Variants in RAB27B observed in about 807,000 individuals in gnomAD.
The protein encoded by RAB27B is ras-related protein Rab-27B.
A neutral mutation model predicts 24.6 loss-of-function variants in RAB27B; 15 were observed. That is an observed-to-expected ratio of 0.61 (90% CI 0.41 to 0.94). The LOEUF (loss-of-function observed/expected upper bound fraction) is 0.94, where lower values mean the gene tolerates loss of function less well. Among genes scored for constraint, RAB27B ranks in the 40% least tolerant of loss-of-function variants. The pLI is 0.00. For synonymous variants in RAB27B, 105 were observed against 92.5 expected, an observed-to-expected ratio of 1.14 and a Z score of -0.78; for missense variants, 261 against 266.8, an observed-to-expected ratio of 0.98 and a Z score of 0.15.
In RAB27B at chr18:54,845,836, A is replaced by G. The variant is rs150495386; in HGVS notation, c.-20+17136A>G. Among the ~76,000 whole-genome samples the G allele has an allele frequency of 4.5e-3, 681 of 152,288 alleles. 5 individuals are homozygous for G. The highest frequency in any genetic ancestry group is 0.016 in the African/African-American group (651 of 41,556). On this transcript the variant is annotated intron_variant, in intron 1 of 5. Transcript: ENST00000262094. ...AATCCTTTTGATTCACTAATCATGT[A>G]TTTGCAAATCTGCCTGCTTAATAAC...
chr18:54,787,175 G>T (rs145332405), intron 2 of RAB27B, among the ~76,000 whole-genome samples: 1 of 152,194 alleles, frequency 6.6e-6, no homozygotes, highest in Non-Finnish European at 1.5e-5. Context: ...TGGCTCCATG[G>T]ACAGGCAGTT....
intron 2 of RAB27B, among the ~76,000 whole-genome samples, chr18:54,757,467 C>T (rs1295904725): frequency 1.3e-5 from 2 of 152,080 alleles, no homozygotes; most frequent in Non-Finnish European, 2.9e-5. Flanking sequence ...ATTTGAGAAA[C>T]AACAATTGCA....
At chr18:54,723,919 T>G (rs868022305) in intron 2 of RAB27B, among the ~76,000 whole-genome samples, 7 of 152,200 alleles carry the variant, frequency 4.6e-5, no homozygotes, top group African/African-American at 1.7e-4. Context: ...TCATGAAATA[T>G]AAATATATTT....
intron 1 of RAB27B, among the ~76,000 whole-genome samples, chr18:54,845,594 T>C (rs1475067935): frequency 6.6e-6 from 1 of 152,082 alleles, no homozygotes; most frequent in Admixed American, 6.6e-5. Context: ...CCCAGGGCCC[T>C]GAGTCGCTGG....
intron 2 of RAB27B, among the ~76,000 whole-genome samples, chr18:54,793,979 CA>C (rs1360757739): frequency 6.6e-6 from 1 of 152,202 alleles, no homozygotes; most frequent in Non-Finnish European, 1.5e-5. Context: ...TAAAAATGCA[CA>C]ATCATCTGGA....
chr18:54,731,086 A>G (rs2144991404), intron 2 of RAB27B, among the ~76,000 whole-genome samples: 1 of 152,338 alleles, frequency 6.6e-6, no homozygotes, highest in East Asian at 1.9e-4. Context: ...GGTATAATAC[A>G]CAAATGTCTA....
At chr18:54,849,698 G>A (rs1456896655) in intron 1 of RAB27B, among the ~76,000 whole-genome samples, 1 of 152,132 alleles carries the variant, frequency 6.6e-6, no homozygotes, top group Non-Finnish European at 1.5e-5. Context: ...TCCAGCCTGG[G>A]CGACAGAGCC....
In RAB27B at chr18:54,894,900, C is replaced by T. The variant is rs971345169; in HGVS notation, c.*5487C>T. 1 of 151,984 alleles carries T rather than the reference C, an allele frequency of 6.6e-6. No homozygotes were observed. Among genetic ancestry groups the T allele is most frequent in the African/African-American group, 2.4e-5 (1 of 41,390 alleles). The allele number at this position is 151,984 out of a possible 1,614,324, so 9.4% of individuals were successfully genotyped here. A position where few individuals can be genotyped will look rare whatever the true frequency, so the allele number is the denominator to read the frequency against. On this transcript the variant is annotated 3_prime_UTR_variant, in exon 6 of 6. Coordinates refer to ENST00000262094, the MANE Select transcript of RAB27B (RefSeq NM_004163.4). ...GTATTGAAAACTGAAAATGGGAAGGCAACTTGAAGTCATTGTATTTGATTG... is the reference window on the plus strand; with the variant it reads ...GTATTGAAAACTGAAAATGGGAAGGTAACTTGAAGTCATTGTATTTGATTG...
At chr18:54,778,774 C>T (rs939921715) in intron 2 of RAB27B, among the ~76,000 whole-genome samples, 5 of 152,158 alleles carry the variant, frequency 3.3e-5, no homozygotes, top group Middle Eastern at 6.8e-3. Flanking sequence ...CTTCTTGCCT[C>T]TCTGCTTTGT....
At chr18:54,774,117 G>A (rs7238224) in intron 2 of RAB27B, among the ~76,000 whole-genome samples, 68,112 of 151,884 alleles carry the variant, frequency 0.45, 17,157 homozygotes, top group Middle Eastern at 0.59. Context: ...TAACACACAC[G>A]GCATCCCTGC....
At chr18:54,829,027 A>G (rs993059125) in intron 1 of RAB27B, among the ~76,000 whole-genome samples, 1 of 152,232 alleles carries the variant, frequency 6.6e-6, no homozygotes, top group Non-Finnish European at 1.5e-5. Context: ...TGCATCTCAA[A>G]AAACAATCAA....
rs931474113 is a variant in RAB27B at position 54,760,309 on chromosome 18, A to G, written c.-20+42168A>G. 2.2e-4 allele frequency among the ~76,000 whole-genome samples: 34 copies of G among 152,144 alleles called. 1 individual carries two copies. Among genetic ancestry groups the G allele is most frequent in the African/African-American group, 8.2e-4 (34 of 41,422 alleles). On this transcript the variant is annotated intron_variant, in intron 2 of 4. Transcript: ENST00000586570. ...AGGGAACCATCTCACTTCAGATGTA[A>G]ATTCAGAGGGATAGGAATACAAAGA...
intron 2 of RAB27B, among the ~76,000 whole-genome samples, chr18:54,755,578 A>G (rs1907979058): frequency 6.6e-6 from 1 of 152,134 alleles, no homozygotes; most frequent in Admixed American, 6.6e-5. Flanking sequence ...TTCCCCTTCC[A>G]GGCACTTTGA....
At position 54,850,216 on chromosome 18, in the gene RAB27B, T is replaced by A. The variant is rs183889186; in HGVS notation, c.-20+21516T>A. On this transcript the variant is annotated intron_variant, in intron 1 of 5. Transcript: ENST00000262094. ...GTTTGTCTAAGAAGCAGACTCCCAA[T>A]TTTATTCTAAATATAATTATATTTG... Among the ~76,000 whole-genome samples, 368 of 151,462 alleles carry A rather than the reference T, an allele frequency of 2.4e-3. 1 individual carries two copies. The highest frequency in any genetic ancestry group is 5.9e-3 in the South Asian group (28 of 4,782).
chr18:54,828,913 C>A (rs183636429), intron 1 of RAB27B, among the ~76,000 whole-genome samples: 1 of 152,194 alleles, frequency 6.6e-6, no homozygotes, highest in Non-Finnish European at 1.5e-5. Context: ...CCAACTCGAC[C>A]TGGCTCTCCT....
At chr18:54,843,541 A>G (rs1911201647) in intron 1 of RAB27B, among the ~76,000 whole-genome samples, 1 of 152,208 alleles carries the variant, frequency 6.6e-6, no homozygotes, top group East Asian at 1.9e-4. Context: ...AACACATTGA[A>G]CAACAACTAG....
intron 2 of RAB27B, among the ~76,000 whole-genome samples, chr18:54,760,406 G>T (rs1028392415): frequency 6.6e-6 from 1 of 152,178 alleles, no homozygotes; most frequent in South Asian, 2.1e-4. Flanking sequence ...TGGGGATGTA[G>T]CTTATAGACA....
intron 1 of RAB27B, among the ~76,000 whole-genome samples, chr18:54,869,851 T>C (rs1040214182): frequency 6.6e-6 from 1 of 152,218 alleles, no homozygotes; most frequent in Non-Finnish European, 1.5e-5. Context: ...CAACTCCATA[T>C]AAGTACATTT....
intron 2 of RAB27B, among the ~76,000 whole-genome samples, chr18:54,733,980 G>C (rs1486653580): frequency 6.6e-6 from 1 of 152,030 alleles, no homozygotes; most frequent in East Asian, 1.9e-4. Flanking sequence ...GTGACACTTA[G>C]GTATCATTTA....
Sources: gnomAD v4.1 joint callset for allele counts (sites outside exome capture counted in the v4.1 genomes callset) on GRCh38, gnomAD v4.1.1 for gene constraint, MANE v1.5 for transcripts, NCBI Gene and HGNC (gene_info 2026-07-23, HGNC 2026-07-21) for gene names.